IMMP1L: variants seen among roughly 807,000 people sequenced by gnomAD.
IMMP1L encodes inner mitochondrial membrane peptidase subunit 1, also known as mitochondrial inner membrane protease subunit 1.
IMMP1L carries 24 observed loss-of-function variants against 21.8 expected under a neutral mutation model. The observed-to-expected ratio is 1.10, with a 90% CI of 0.80 to 1.55. The LOEUF (loss-of-function observed/expected upper bound fraction) is 1.55. Among genes scored for constraint, IMMP1L ranks in the 40% most tolerant of loss-of-function variants. The pLI, the probability that IMMP1L is intolerant of heterozygous loss-of-function variation, is 0.00. For synonymous variants in IMMP1L, 46 were observed against 62.8 expected (o/e 0.73, Z 1.26); for missense variants, 195 against 200.7 (o/e 0.97, Z 0.17).
chr11:31,474,894 A>G (rs931243723), intron 1 of IMMP1L, among the ~76,000 whole-genome samples: 1 of 152,152 alleles, frequency 6.6e-6, no homozygotes. Flanking sequence ...CTCATCCTAC[A>G]TCACAGAGCT....
chr11:31,493,939 G>A (rs759305717), intron 1 of IMMP1L, among the ~76,000 whole-genome samples: 1 of 152,214 alleles, frequency 6.6e-6, no homozygotes, highest in Non-Finnish European at 1.5e-5. Context: ...CCGCCTCTAC[G>A]GCTTTGCAGG....
intron 1 of IMMP1L, among the ~76,000 whole-genome samples, chr11:31,475,458 C>A (rs539509408): frequency 6.6e-6 from 1 of 152,304 alleles, no homozygotes; most frequent in Non-Finnish European, 1.5e-5. Context: ...CAGCCTCCAA[C>A]TCCTGGGCTC....
intron 1 of IMMP1L, among the ~76,000 whole-genome samples, chr11:31,497,712 A>G (rs1440611642): frequency 6.6e-6 from 1 of 152,018 alleles, no homozygotes; most frequent in Admixed American, 6.6e-5. Flanking sequence ...CGCCTGCCAA[A>G]GTGTTGGGAT....
intron 1 of IMMP1L, among the ~76,000 whole-genome samples, chr11:31,496,615 ATGTGTG>A (rs199866368): frequency 6.7e-6 from 1 of 148,992 alleles, no homozygotes; most frequent in African/African-American, 2.5e-5. Flanking sequence ...ACTGTGATAT[ATGTGTG>A]TGTGTGTGTG....
intron 4 of IMMP1L, chr11:31,448,839 A>G (rs1953635180): frequency 1.9e-6 from 1 of 529,428 alleles, no homozygotes; most frequent in Admixed American, 6.4e-5. Context: ...CTCAAAGATT[A>G]TTCTTTAGTG....
At chr11:31,438,405 A>C (rs1235489666) in intron 4 of IMMP1L, among the ~76,000 whole-genome samples, 3 of 152,264 alleles carry the variant, frequency 2.0e-5, no homozygotes, top group African/African-American at 7.2e-5. Flanking sequence ...TCATTGTACC[A>C]GTCCTTTATT....
In IMMP1L at chr11:31,452,718, C is replaced by T. The variant is rs1001319069; in HGVS notation, c.321+3542G>A. On this transcript the variant is annotated intron_variant, in intron 4 of 5. Coordinates refer to ENST00000532287, the MANE Select transcript of IMMP1L (RefSeq NM_001304274.2). ...AGGAAAGAATTATTGGCTTCAGTACCTTCAAAATAAGGAAAGCAAACAGCA... is the reference window on the plus strand; with the variant it reads ...AGGAAAGAATTATTGGCTTCAGTACTTTCAAAATAAGGAAAGCAAACAGCA... 39 of 1,018,174 alleles carry T rather than the reference C, an allele frequency of 3.8e-5. No homozygotes were observed. The South Asian group carries it at 9.9e-4, about 26-fold the overall frequency. The allele number at this position is 1,018,174 out of a possible 1,614,324, so 63.1% of individuals were successfully genotyped here.
At position 31,509,572 on chromosome 11, in the gene IMMP1L, C is replaced by T. The variant is rs1955929956; in HGVS notation, c.-83G>A. 6 of 595,614 alleles carry T rather than the reference C, an allele frequency of 1.0e-5. No homozygotes were observed. The highest frequency in any genetic ancestry group is 5.9e-5 in the Admixed American group (2 of 33,798). 36.9% of individuals were successfully genotyped at this position (595,614 alleles called of 1,614,324 possible). A position where few individuals can be genotyped will look rare whatever the true frequency, so the allele number is the denominator to read the frequency against. On this transcript the variant is annotated 5_prime_UTR_variant, in exon 1 of 6. Coordinates refer to ENST00000532287, the MANE Select transcript of IMMP1L (RefSeq NM_001304274.2). The stretch of plus-strand genomic sequence containing the variant: ...TCAACCAGGACACAGGTGGGCCTTT[C>T]TCACCTGGGCCCCGCCGAAGTCGAC...
At chr11:31,476,301 T>G (rs1954726686) in intron 1 of IMMP1L, among the ~76,000 whole-genome samples, 1 of 152,094 alleles carries the variant, frequency 6.6e-6, no homozygotes, top group South Asian at 2.1e-4. Flanking sequence ...GCTTTCTCAT[T>G]TATTCATTCA....
In IMMP1L at chr11:31,470,434, C is replaced by CA. The variant is rs1027463461; in HGVS notation, c.-29-7130dup. On this transcript the variant is annotated intron_variant, in intron 1 of 5. Transcript: ENST00000532287. ...ATCTCAAAAAACAAAAAACAAAAAACAAAAAAAAAAAGAATCAGGCAAATC... is the reference window on the plus strand; with the variant it reads ...ATCTCAAAAAACAAAAAACAAAAAACAAAAAAAAAAAAGAATCAGGCAAATC... Among the ~76,000 whole-genome samples, 150 of 128,104 alleles carry CA rather than the reference C, an allele frequency of 1.2e-3. 1 individual carries two copies. Among genetic ancestry groups the CA allele is most frequent in the Non-Finnish European group, 1.6e-3 (98 of 59,916 alleles). 84.0% of individuals were successfully genotyped at this position (128,104 alleles called of 152,430 possible).
chr11:31,440,387 T>TA (rs1039014060), intron 4 of IMMP1L, among the ~76,000 whole-genome samples: 57 of 152,138 alleles, frequency 3.7e-4, no homozygotes, highest in African/African-American at 1.2e-3. Flanking sequence ...TTACATAATT[T>TA]AAAAAAAACT....
intron 1 of IMMP1L, among the ~76,000 whole-genome samples, chr11:31,509,204 T>C (rs1252951713): frequency 6.6e-6 from 1 of 152,146 alleles, no homozygotes; most frequent in Non-Finnish European, 1.5e-5. Flanking sequence ...AAGGTTTAAT[T>C]CCAAACCACC....
chr11:31,456,529 C>A, intron 3 of IMMP1L, 143 bp from the exon 4 acceptor site: 1 of 508,826 alleles, frequency 2.0e-6, no homozygotes, highest in Non-Finnish European at 3.3e-6. Context: ...CACACATTTA[C>A]TGGCTTTGAG....
intron 1 of IMMP1L, among the ~76,000 whole-genome samples, chr11:31,509,160 C>T (rs1394331540): frequency 6.6e-6 from 1 of 152,186 alleles, no homozygotes; most frequent in Non-Finnish European, 1.5e-5. Flanking sequence ...CACAGGAAAA[C>T]CAGATAGCCT....
intron 1 of IMMP1L, among the ~76,000 whole-genome samples, chr11:31,498,561 A>G (rs1382309652): frequency 2.0e-5 from 3 of 152,194 alleles, no homozygotes; most frequent in African/African-American, 7.2e-5. Flanking sequence ...ATATATACCT[A>G]TTTTAGCAGA....
intron 1 of IMMP1L, among the ~76,000 whole-genome samples, chr11:31,486,510 T>A (rs1276472928): frequency 2.0e-5 from 3 of 151,974 alleles, no homozygotes; most frequent in African/African-American, 7.2e-5. Context: ...TTACTATATA[T>A]GTAAGGCCTA....
chr11:31,497,169 A>G (rs1008070621), intron 1 of IMMP1L, among the ~76,000 whole-genome samples: 23 of 151,536 alleles, frequency 1.5e-4, no homozygotes, highest in South Asian at 4.1e-4. Flanking sequence ...TTTCAACTTA[A>G]ATTGGGTTTA....
At chr11:31,486,775 T>C (rs1339541055) in intron 1 of IMMP1L, among the ~76,000 whole-genome samples, 3 of 151,788 alleles carry the variant, frequency 2.0e-5, no homozygotes, top group African/African-American at 7.2e-5. Flanking sequence ...CATAACTACA[T>C]GGATAACTCT....
chr11:31,432,970 A>G (rs1215684713), intron 5 of IMMP1L, among the ~76,000 whole-genome samples: 7 of 152,202 alleles, frequency 4.6e-5, no homozygotes, highest in African/African-American at 2.4e-5. Context: ...CAACAGCTCC[A>G]TGTATTCATG....
Sources: gnomAD v4.1 joint callset for allele counts (sites outside exome capture counted in the v4.1 genomes callset) on GRCh38, gnomAD v4.1.1 for gene constraint, MANE v1.5 for transcripts, NCBI Gene and HGNC (gene_info 2026-07-23, HGNC 2026-07-21) for gene names.